The following PRKCH variants were observed in gnomAD, a reference collection of about 807,000 sequenced individuals.
PRKCH encodes protein kinase C eta, also known as protein kinase C eta type.
Under a neutral mutation model 82.5 loss-of-function variants are expected in PRKCH, and 28 were observed. The ratio of observed to expected loss-of-function variants is 0.34; its 90% confidence interval spans 0.25 to 0.47. PRKCH has a LOEUF of 0.47. Among genes scored for constraint, PRKCH ranks in the 20% least tolerant of loss-of-function variants. The probability of loss-of-function intolerance (pLI) is 1.00; values close to 1 mark genes in which losing one functional copy is unlikely to be tolerated. For missense variants in PRKCH, 705 were observed against 881.8 expected, an observed-to-expected ratio of 0.80 and a Z score of 2.54; for synonymous variants, 322 against 327.4, an observed-to-expected ratio of 0.98 and a Z score of 0.18.
intron 1 of PRKCH, among the ~76,000 whole-genome samples, chr14:61,238,204 T>C (rs746193986): frequency 6.6e-5 from 10 of 152,228 alleles, no homozygotes; most frequent in Non-Finnish European, 1.2e-4. Context: ...ATTAGGACTT[T>C]ACAGACAGGT....
At chr14:61,526,787 AG>A (rs1420469225) in intron 10 of PRKCH, among the ~76,000 whole-genome samples, 1 of 152,252 alleles carries the variant, frequency 6.6e-6, no homozygotes. Context: ...CGCCACAGCG[AG>A]GGGGGCTCCA....
At position 61,210,314 on chromosome 14, in the gene PRKCH, A is replaced by G. The variant is rs996431277; in HGVS notation, c.-19+22646A>G. On this transcript the variant is annotated intron_variant, in intron 1 of 3. Coordinates refer to the PRKCH transcript ENST00000555185. ...GAGTGACAGAGCTAGACTCGGTCTC[A>G]GAAAAAATAAATAAATAAAATGCCT... 3.3e-5 allele frequency among the ~76,000 whole-genome samples: 5 copies of G among 151,332 alleles called. 1 individual carries two copies. The South Asian group carries it at 1.0e-3, about 32-fold the overall frequency.
intron 1 of PRKCH, among the ~76,000 whole-genome samples, chr14:61,263,036 G>A (rs1042306986): frequency 2.6e-5 from 4 of 152,050 alleles, no homozygotes; most frequent in African/African-American, 9.7e-5. Flanking sequence ...TGGTCCATTT[G>A]TAGCTAGTTT....
intron 1 of PRKCH, among the ~76,000 whole-genome samples, chr14:61,284,179 G>A (rs2045295168): frequency 6.6e-6 from 1 of 152,216 alleles, no homozygotes; most frequent in African/African-American, 2.4e-5. Flanking sequence ...AATGCCCTCT[G>A]CAGAATGCAG....
intron 1 of PRKCH, among the ~76,000 whole-genome samples, chr14:61,343,358 A>C (rs79823642): frequency 1.3e-5 from 2 of 150,308 alleles, no homozygotes; most frequent in South Asian, 2.1e-4. Context: ...CCTCAAAAAA[A>C]AAAAAAAAAA....
At chr14:61,368,922 T>G (rs2046332423) in intron 1 of PRKCH, among the ~76,000 whole-genome samples, 1 of 152,056 alleles carries the variant, frequency 6.6e-6, no homozygotes, top group African/African-American at 2.4e-5. Flanking sequence ...ATTTACTTAT[T>G]CAGAAAGATG....
rs1014593358 is a variant in PRKCH, at chr14:61,424,420, A to G, written c.428-18691A>G. ...CAAAATGCTGATAGCGACATGGACA[A>G]TGGAGTCCAGGGAGAAGTAGCTTCA... is the stretch of plus-strand genomic sequence containing the variant. On this transcript the variant is annotated intron_variant, in intron 2 of 13. Transcript: ENST00000332981. 4.6e-5 allele frequency among the ~76,000 whole-genome samples: 7 copies of G among 152,226 alleles called. 1 individual carries two copies. Among genetic ancestry groups the G allele is most frequent in the Non-Finnish European group, 1.0e-4 (7 of 68,038 alleles).
chr14:61,208,913 A>G (rs778258626), intron 1 of PRKCH, among the ~76,000 whole-genome samples: 18 of 152,208 alleles, frequency 1.2e-4, no homozygotes, highest in Non-Finnish European at 2.2e-4. Flanking sequence ...AGATGGGATT[A>G]GTACCTGCTA....
At chr14:61,266,601 A>G (rs1594882053) in intron 1 of PRKCH, among the ~76,000 whole-genome samples, 1 of 152,228 alleles carries the variant, frequency 6.6e-6, no homozygotes, top group Non-Finnish European at 1.5e-5. Flanking sequence ...CCTCCGAATC[A>G]GTGGCTTGAC....
chr14:61,371,988 T>C (rs1337082526), intron 1 of PRKCH, among the ~76,000 whole-genome samples: 1 of 152,084 alleles, frequency 6.6e-6, no homozygotes, highest in Non-Finnish European at 1.5e-5. Flanking sequence ...ATTGTGCTCC[T>C]CAAATTGTTT....
intron 12 of PRKCH, among the ~76,000 whole-genome samples, chr14:61,540,330 AT>A (rs2043166727): frequency 6.6e-6 from 1 of 152,236 alleles, no homozygotes; most frequent in Non-Finnish European, 1.5e-5. Context: ...AGTGTCATTT[AT>A]TAGGTGAAAG....
intron 1 of PRKCH, among the ~76,000 whole-genome samples, chr14:61,348,329 G>A (rs537523171): frequency 6.6e-6 from 1 of 152,238 alleles, no homozygotes; most frequent in Non-Finnish European, 1.5e-5. Context: ...GATTTTGAAT[G>A]AATAGAAGGA....
chr14:61,456,087 G>C (rs1884753522), intron 7 of PRKCH, among the ~76,000 whole-genome samples: 1 of 152,188 alleles, frequency 6.6e-6, no homozygotes, highest in Non-Finnish European at 1.5e-5. Flanking sequence ...TGACAATACA[G>C]CTTAAGTTTA....
At chr14:61,538,734 A>C (rs2043144614) in intron 12 of PRKCH, among the ~76,000 whole-genome samples, 1 of 152,240 alleles carries the variant, frequency 6.6e-6, no homozygotes. Flanking sequence ...CTTGTCAACA[A>C]AAGTATTTGA....
rs1401565782 is a variant in PRKCH at position 61,307,700 on chromosome 14, T to TA, written c.-19+120033dup. ...ATTACAATGCTGTTTTTTTGTTTTT[T>TA]ATCATAAAACATTCATTCTATACAT... On this transcript the variant is annotated intron_variant, in intron 1 of 3. Coordinates refer to the PRKCH transcript ENST00000555185. Among the ~76,000 whole-genome samples, 11 of 152,366 alleles carry TA rather than the reference T, an allele frequency of 7.2e-5. No individual in the cohort carries two copies. In the East Asian group the frequency reaches 2.1e-3, roughly 29 times the overall value.
intron 1 of PRKCH, among the ~76,000 whole-genome samples, chr14:61,352,275 A>G (rs1458554102): frequency 1.3e-5 from 2 of 152,074 alleles, no homozygotes; most frequent in East Asian, 1.9e-4. Flanking sequence ...TCCCTTATTT[A>G]TCCTTTCCTT....
At chr14:61,234,554 A>C (rs2044772167) in intron 1 of PRKCH, among the ~76,000 whole-genome samples, 1 of 152,114 alleles carries the variant, frequency 6.6e-6, no homozygotes, top group Non-Finnish European at 1.5e-5. Flanking sequence ...TCCTGCATTT[A>C]TCTCTCCCAT....
chr14:61,296,385 G>A (rs2045406204), intron 1 of PRKCH, among the ~76,000 whole-genome samples: 1 of 152,118 alleles, frequency 6.6e-6, no homozygotes. Context: ...CCTTCTCCAT[G>A]TGTGCTGTAC....
chr14:61,380,651 T>C (rs2046493046), intron 1 of PRKCH, among the ~76,000 whole-genome samples: 1 of 152,144 alleles, frequency 6.6e-6, no homozygotes, highest in Non-Finnish European at 1.5e-5. Flanking sequence ...GTGGGAGGAA[T>C]TGCAGTGGAG....
Sources: allele counts gnomAD v4.1 joint callset (sites outside exome capture counted in the v4.1 genomes callset), GRCh38; gene constraint gnomAD v4.1.1; transcripts MANE v1.5; gene names NCBI Gene and HGNC (gene_info 2026-07-23, HGNC 2026-07-21).